FILIP1L: variants seen among roughly 807,000 people sequenced by gnomAD.
FILIP1L encodes the protein filamin A-interacting protein 1-like.
In FILIP1L, 55 loss-of-function variants were observed where a neutral mutation model predicts 96.6. The ratio of observed to expected loss-of-function variants is 0.57; its 90% CI spans 0.46 to 0.71. FILIP1L has a LOEUF of 0.71. Among genes scored for constraint, FILIP1L ranks in the 30% least tolerant of loss-of-function variants. FILIP1L has a pLI of 0.00. For synonymous variants in FILIP1L, 467 were observed against 473.9 expected, an observed-to-expected ratio of 0.99 and a Z score of 0.19; for missense variants, 1,304 against 1,321.2, an observed-to-expected ratio of 0.99 and a Z score of 0.20.
chr3:99,938,200 T>C (rs1707749865), intron 1 of FILIP1L, among the ~76,000 whole-genome samples: 1 of 152,258 alleles, frequency 6.6e-6, no homozygotes, highest in Non-Finnish European at 1.5e-5. Flanking sequence ...ATAAATACCC[T>C]GATCTGCTAT....
intron 1 of FILIP1L, among the ~76,000 whole-genome samples, chr3:100,052,839 T>A (rs1184381117): frequency 6.6e-6 from 1 of 152,234 alleles, no homozygotes; most frequent in Non-Finnish European, 1.5e-5. Context: ...TCATATTTGA[T>A]CTTGTTTTTA....
intron 1 of FILIP1L, among the ~76,000 whole-genome samples, chr3:100,073,471 T>C (rs1177994315): frequency 4.6e-5 from 7 of 151,968 alleles, no homozygotes; most frequent in Admixed American, 2.0e-4. Flanking sequence ...AAGACTGGGG[T>C]AGAGGAGATT....
chr3:99,953,226 G>T (rs78584042), intron 1 of FILIP1L, among the ~76,000 whole-genome samples: 1 of 151,880 alleles, frequency 6.6e-6, no homozygotes, highest in South Asian at 2.1e-4. Flanking sequence ...ATTTATATTG[G>T]TTAAGTTATT....
chr3:99,893,332 AT>A (rs1706149842), intron 4 of FILIP1L, among the ~76,000 whole-genome samples: 1 of 151,616 alleles, frequency 6.6e-6, no homozygotes, highest in African/African-American at 2.4e-5. Flanking sequence ...CGCCCGGCTA[AT>A]TTTTTGTATT....
At chr3:99,945,440 A>G (rs1452993067) in intron 1 of FILIP1L, among the ~76,000 whole-genome samples, 1 of 152,208 alleles carries the variant, frequency 6.6e-6, no homozygotes, top group Admixed American at 6.5e-5. Flanking sequence ...GCCCTTTGTT[A>G]GAAAGCACCC....
chr3:100,108,381 G>A (rs1259812653), intron 1 of FILIP1L, among the ~76,000 whole-genome samples: 1 of 152,114 alleles, frequency 6.6e-6, no homozygotes, highest in African/African-American at 2.4e-5. Flanking sequence ...GTCACTAACT[G>A]TGCTTATTAC....
At chr3:99,896,132 G>T (rs1706244333) in intron 4 of FILIP1L, among the ~76,000 whole-genome samples, 1 of 152,164 alleles carries the variant, frequency 6.6e-6, no homozygotes, top group African/African-American at 2.4e-5. Context: ...AGGGAAAACA[G>T]AAGTGTGAAT....
chr3:100,007,818 A>G (rs1179547469), intron 1 of FILIP1L, among the ~76,000 whole-genome samples: 1 of 152,326 alleles, frequency 6.6e-6, no homozygotes. Context: ...GGAATTGGCC[A>G]CTGCCAGCCA....
At chr3:99,991,682 CTTA>C (rs1709514473) in intron 1 of FILIP1L, among the ~76,000 whole-genome samples, 1 of 151,940 alleles carries the variant, frequency 6.6e-6, no homozygotes, top group Non-Finnish European at 1.5e-5. Flanking sequence ...GTAGCTCCCA[CTTA>C]TAGGTGAGAA....
At chr3:99,839,279 C>T (rs967847458) in intron 5 of FILIP1L, among the ~76,000 whole-genome samples, 14 of 152,210 alleles carry the variant, frequency 9.2e-5, no homozygotes, top group Admixed American at 3.9e-4. Context: ...TTAACTCCCA[C>T]CTTTTATTCC....
rs754004162 is a variant in FILIP1L at position 99,848,931 on chromosome 3, G to C, written c.2745C>G (p.Ala915=). 4.3e-5 allele frequency: 70 copies of C among 1,614,020 alleles called. No individual in the cohort carries two copies. Among genetic ancestry groups the C allele is most frequent in the Non-Finnish European group, 4.7e-5 (56 of 1,180,032 alleles). The change falls in exon 5 of 6, where the codon GCC becomes GCG. Residue 915 remains alanine (A), a synonymous_variant. Coordinates refer to ENST00000477258, the MANE Select transcript of FILIP1L (RefSeq NM_001387850.1). ...KVTPDHVQNT[A]TLEITSPTTE... is the part of the protein sequence containing the mutation. ...TGGTTGGACTTGTGATTTCAAGAGT[G>C]GCTGTGTTTTGTACATGGTCTGGAG...
chr3:99,939,398 T>C (rs543926773), intron 1 of FILIP1L, among the ~76,000 whole-genome samples: 48 of 152,240 alleles, frequency 3.2e-4, no homozygotes, highest in Non-Finnish European at 5.4e-4. Context: ...GAAAGGACTC[T>C]ATTCTTCTTT....
chr3:100,055,804 AT>A (rs2065454271), intron 1 of FILIP1L, among the ~76,000 whole-genome samples: 2 of 152,230 alleles, frequency 1.3e-5, no homozygotes, highest in African/African-American at 4.8e-5. Context: ...ATTTTTTAAT[AT>A]TGTACACATT....
At chr3:100,035,397 C>T (rs1036996145) in intron 1 of FILIP1L, among the ~76,000 whole-genome samples, 2 of 152,114 alleles carry the variant, frequency 1.3e-5, no homozygotes, top group Non-Finnish European at 2.9e-5. Context: ...CCTCAGCCTC[C>T]GGAGTAGCTG....
intron 4 of FILIP1L, among the ~76,000 whole-genome samples, chr3:99,863,698 C>A (rs554338424): frequency 2.0e-5 from 3 of 152,108 alleles, no homozygotes; most frequent in Non-Finnish European, 2.9e-5. Flanking sequence ...AAATATTTGA[C>A]ACATATTTCA....
rs570851053 is a variant in FILIP1L, at chr3:100,051,819, C to T, written c.-11+62234G>A. 4.0e-5 allele frequency among the ~76,000 whole-genome samples: 6 copies of T among 149,668 alleles called. No individual in the cohort carries two copies. In the East Asian group the frequency reaches 9.8e-4, roughly 24 times the overall value. On this transcript the variant is annotated intron_variant, in intron 1 of 5. Transcript: ENST00000477258. ...TGAATAGTGCCAATGGCTTATATTTCTAAAAACAAACATTTTATTATATAT... is the reference window on the plus strand; with the variant it reads ...TGAATAGTGCCAATGGCTTATATTTTTAAAAACAAACATTTTATTATATAT...
chr3:99,940,250 G>T (rs1185421152), intron 1 of FILIP1L, among the ~76,000 whole-genome samples: 2 of 152,204 alleles, frequency 1.3e-5, no homozygotes, highest in Non-Finnish European at 2.9e-5. Context: ...TTATTTTTAT[G>T]TAGTCCAAGT....
intron 4 of FILIP1L, among the ~76,000 whole-genome samples, chr3:99,907,106 A>C (rs181399886): frequency 6.6e-6 from 1 of 152,244 alleles, no homozygotes; most frequent in South Asian, 2.1e-4. Context: ...CAACAAATAC[A>C]CAGAGTTGGT....
intron 1 of FILIP1L, among the ~76,000 whole-genome samples, chr3:99,952,971 T>G (rs1283324694): frequency 6.6e-6 from 1 of 152,188 alleles, no homozygotes; most frequent in African/African-American, 2.4e-5. Context: ...CTCATTGATT[T>G]GGTTTTTGTC....
Sources: allele counts gnomAD v4.1 joint callset (sites outside exome capture counted in the v4.1 genomes callset), GRCh38; gene constraint gnomAD v4.1.1; transcripts MANE v1.5; gene names NCBI Gene and HGNC (gene_info 2026-07-23, HGNC 2026-07-21).